Variants in GSG1L observed in about 807,000 individuals in gnomAD.
GSG1L encodes the protein germ cell-specific gene 1-like protein.
In GSG1L, 24 loss-of-function variants were observed where a neutral mutation model predicts 42.1. The ratio of observed to expected loss-of-function variants is 0.57; its 90% CI spans 0.41 to 0.80. The LOEUF is 0.80. Among genes scored for constraint, GSG1L ranks in the 30% least tolerant of loss-of-function variants. The pLI is 0.00. For missense variants in GSG1L, 445 were observed against 472.2 expected, an observed-to-expected ratio of 0.94 and a Z score of 0.53; for synonymous variants, 215 against 203.5, an observed-to-expected ratio of 1.06 and a Z score of -0.48.
At chr16:28,003,613 G>A (rs956594485) in intron 1 of GSG1L, among the ~76,000 whole-genome samples, 1 of 152,230 alleles carries the variant, frequency 6.6e-6, no homozygotes, top group African/African-American at 2.4e-5. Flanking sequence ...CAGCATGGCC[G>A]TGACTGATGT....
rs533353872 is a variant in GSG1L at position 27,925,996 on chromosome 16, A to G, written c.397+37160T>C. Among the ~76,000 whole-genome samples the G allele has an allele frequency of 2.6e-5, 4 of 152,242 alleles. No homozygotes were observed. The South Asian group carries it at 6.2e-4, about 24-fold the overall frequency. ...AAATTAGCTGAATGAAATGGCGAGTACATGGTAAAATTTGGGAAGCGTGCT... is the reference window on the plus strand; with the variant it reads ...AAATTAGCTGAATGAAATGGCGAGTGCATGGTAAAATTTGGGAAGCGTGCT... On this transcript the variant is annotated intron_variant, in intron 2 of 6. Transcript: ENST00000447459.
intron 1 of GSG1L, among the ~76,000 whole-genome samples, chr16:27,984,593 AT>A (rs1326352769): frequency 6.6e-6 from 1 of 152,192 alleles, no homozygotes; most frequent in Non-Finnish European, 1.5e-5. Flanking sequence ...AGTCAGCTTA[AT>A]TAGAAGCTAA....
At chr16:27,979,692 A>AGAGAGAGAGAGAG (rs1567542854) in intron 1 of GSG1L, among the ~76,000 whole-genome samples, 1 of 40,300 alleles carries the variant, frequency 2.5e-5, no homozygotes, top group Non-Finnish European at 5.3e-5. Flanking sequence ...AGAAAGAAGG[A>AGAGAGAGAGAGAG]AGGAAGGAAG....
chr16:27,911,436 G>A (rs112251262), intron 2 of GSG1L, among the ~76,000 whole-genome samples: 12 of 152,126 alleles, frequency 7.9e-5, no homozygotes, highest in African/African-American at 2.7e-4. Flanking sequence ...GATTACAGGC[G>A]CCCGCCACCA....
At chr16:27,852,426 C>G (rs1312792007) in intron 3 of GSG1L, among the ~76,000 whole-genome samples, 1 of 152,060 alleles carries the variant, frequency 6.6e-6, no homozygotes. Context: ...CTGGGCACCT[C>G]TCGGTGTCAG....
chr16:27,824,032 A>G (rs2083179268), intron 5 of GSG1L: 1 of 665,786 alleles, frequency 1.5e-6, no homozygotes, highest in Admixed American at 2.1e-5. Context: ...TAATAACGAG[A>G]TTATCAGCCA....
Position 28,063,535 on chromosome 16 carries a change from T to C in GSG1L, c.-111A>G. On this transcript the variant is annotated 5_prime_UTR_variant, in exon 1 of 7. Transcript: ENST00000447459. The surrounding 1 kb of genome is among the most constrained non-coding windows in gnomAD (Gnocchi z 5.8). The stretch of plus-strand genomic sequence containing the variant: ...TGCCCGCCGCGCCCCGGGGCTCGGG[T>C]GCCTGAGATCGGCGGCGGCGGACGC... The C allele has an allele frequency of 1.7e-6, 1 of 582,454 alleles. No homozygotes were observed. Among genetic ancestry groups the C allele is most frequent in the Non-Finnish European group, 2.2e-6 (1 of 445,968 alleles). 36.1% of individuals were successfully genotyped at this position (582,454 alleles called of 1,614,324 possible). A position where few individuals can be genotyped will look rare whatever the true frequency, so the allele number is the denominator to read the frequency against.
intron 3 of GSG1L, among the ~76,000 whole-genome samples, chr16:27,881,995 C>CAG (rs2083963131): frequency 6.6e-6 from 1 of 152,102 alleles, no homozygotes; most frequent in Non-Finnish European, 1.5e-5. Flanking sequence ...ACCCTGAACC[C>CAG]AGAGAGATCA....
At chr16:27,888,927 G>GATAGATATAGAT (rs55977600) in intron 2 of GSG1L, among the ~76,000 whole-genome samples, 19,143 of 142,050 alleles carry the variant, frequency 0.13, 1,521 homozygotes, top group Admixed American at 0.18. Flanking sequence ...CTTGTGCTTA[G>GATAGATATAGAT]ATAGATATAG....
intron 2 of GSG1L, among the ~76,000 whole-genome samples, chr16:27,946,621 G>A (rs7188388): frequency 0.26 from 12,125 of 47,208 alleles, 1,389 homozygotes; most frequent in South Asian, 0.37. Context: ...GAGAGAGAGA[G>A]AGAGAGAGAG....
intron 3 of GSG1L, among the ~76,000 whole-genome samples, chr16:27,865,525 A>C (rs1487726333): frequency 1.9e-4 from 2 of 10,582 alleles, no homozygotes; most frequent in Non-Finnish European, 3.2e-4. Context: ...CTCTCTTTCT[A>C]TATATATATA....
chr16:28,029,963 G>A (rs1200267976), intron 1 of GSG1L, among the ~76,000 whole-genome samples: 5 of 152,204 alleles, frequency 3.3e-5, no homozygotes, highest in African/African-American at 7.2e-5. Flanking sequence ...ATGCCAGCTC[G>A]TGGGATGAAA....
chr16:28,026,381 G>C (rs1045110363), intron 1 of GSG1L, among the ~76,000 whole-genome samples: 13 of 152,148 alleles, frequency 8.5e-5, no homozygotes, highest in Non-Finnish European at 1.3e-4. Flanking sequence ...ATTCTGCTGC[G>C]GATCTGCCAC....
rs1223838053 is a variant in GSG1L, at chr16:28,003,397, C to T, written c.350-40194G>A. ...TCTCTCTGGCTGTCTCAGCCCCTCT[C>T]TGCTCCTCTGAACACATGCCTGCCT... On this transcript the variant is annotated intron_variant, in intron 1 of 6. Transcript: ENST00000447459. Among the ~76,000 whole-genome samples, 5 of 152,242 alleles carry T rather than the reference C, an allele frequency of 3.3e-5. 1 individual carries two copies. The highest frequency in any genetic ancestry group is 1.2e-4 in the African/African-American group (5 of 41,462).
intron 1 of GSG1L, among the ~76,000 whole-genome samples, chr16:28,027,543 C>G (rs773191748): frequency 1.3e-5 from 2 of 152,040 alleles, no homozygotes; most frequent in African/African-American, 2.4e-5. Context: ...TTAAATGTGA[C>G]TGGTACAAAT....
intron 1 of GSG1L, among the ~76,000 whole-genome samples, chr16:27,986,414 G>A (rs2085383008): frequency 6.6e-6 from 1 of 150,858 alleles, no homozygotes; most frequent in Non-Finnish European, 1.5e-5. Flanking sequence ...GCAGGAGAAT[G>A]AGAATCACTT....
chr16:27,987,337 G>C (rs1363910003), intron 1 of GSG1L, among the ~76,000 whole-genome samples: 1 of 152,140 alleles, frequency 6.6e-6, no homozygotes, highest in African/African-American at 2.4e-5. Context: ...ATGGGTTTAG[G>C]CTATCTCTGT....
At chr16:28,009,788 G>A (rs2085691763) in intron 1 of GSG1L, among the ~76,000 whole-genome samples, 1 of 152,184 alleles carries the variant, frequency 6.6e-6, no homozygotes, top group Non-Finnish European at 1.5e-5. Context: ...CTGAGTCTCA[G>A]TTTCCTCATC....
chr16:27,839,197 G>C (rs1381940648), intron 4 of GSG1L, among the ~76,000 whole-genome samples: 2 of 152,186 alleles, frequency 1.3e-5, no homozygotes, highest in Non-Finnish European at 2.9e-5. Context: ...ATTCCACAGG[G>C]ACAGGGCCCC....
Sources: gnomAD v4.1 joint callset for allele counts (sites outside exome capture counted in the v4.1 genomes callset) on GRCh38, gnomAD v4.1.1 for gene constraint, Gnocchi (gnomAD v3.1) non-coding constraint, MANE v1.5 for transcripts, NCBI Gene and HGNC (gene_info 2026-07-23, HGNC 2026-07-21) for gene names.